SHTN1: variants seen among roughly 807,000 people sequenced by gnomAD.
SHTN1 encodes the protein shootin-1.
Under a neutral mutation model 83.1 loss-of-function variants are expected in SHTN1, and 42 were observed. That is an observed-to-expected ratio of 0.51 (90% CI 0.39 to 0.65). SHTN1 has a LOEUF of 0.65. Among genes scored for constraint, SHTN1 ranks in the 30% least tolerant of loss-of-function variants. SHTN1 has a pLI of 0.00. For synonymous variants in SHTN1, 224 were observed against 247.7 expected (o/e 0.90, Z 0.90); for missense variants, 622 against 737.8 (o/e 0.84, Z 1.82).
rs548572137 is a variant in SHTN1 at position 117,090,883 on chromosome 10, T to C, written c.-189+35424A>G. Reference sequence around the variant, plus strand: ...AGAGGATAGAGAAGGGGAAGAAGAATAAGAAAAAGGATCTGACTGTTGGGG... The same window carrying C: ...AGAGGATAGAGAAGGGGAAGAAGAACAAGAAAAAGGATCTGACTGTTGGGG... On this transcript the variant is annotated intron_variant, in intron 1 of 17. Coordinates refer to the SHTN1 transcript ENST00000392901. 4.6e-5 allele frequency among the ~76,000 whole-genome samples: 7 copies of C among 152,010 alleles called. No individual in the cohort carries two copies. The South Asian group carries it at 1.2e-3, about 27-fold the overall frequency.
intron 14 of SHTN1, 24 bp from the exon 15 acceptor site, chr10:116,906,771 C>G: frequency 6.3e-7 from 1 of 1,587,844 alleles, no homozygotes; most frequent in Non-Finnish European, 8.6e-7. Context: ...AAAACAAAAA[C>G]AAAAAGGTTA....
At chr10:117,122,323 G>A (rs1195525897) in intron 1 of SHTN1, among the ~76,000 whole-genome samples, 1 of 152,070 alleles carries the variant, frequency 6.6e-6, no homozygotes, top group Non-Finnish European at 1.5e-5. Context: ...GGAACCACGG[G>A]CACATGCCAC....
chr10:116,902,268 T>C (rs1048956992), intron 15 of SHTN1, among the ~76,000 whole-genome samples: 3 of 152,114 alleles, frequency 2.0e-5, no homozygotes, highest in Non-Finnish European at 4.4e-5. Flanking sequence ...TTTCCTCTCA[T>C]AGAGTATGGC....
intron 2 of SHTN1, among the ~76,000 whole-genome samples, chr10:117,013,213 G>A (rs1852134368): frequency 6.6e-6 from 1 of 152,014 alleles, no homozygotes. Context: ...CTTGCTCTGT[G>A]TCCCAGGCTG....
At chr10:116,955,960 G>A (rs1257714689) in intron 4 of SHTN1, among the ~76,000 whole-genome samples, 2 of 152,162 alleles carry the variant, frequency 1.3e-5, no homozygotes, top group Non-Finnish European at 2.9e-5. Context: ...GATAAAAACT[G>A]TTGTGGGTTC....
intron 1 of SHTN1, among the ~76,000 whole-genome samples, chr10:116,982,140 G>A (rs1016665455): frequency 6.6e-6 from 1 of 152,094 alleles, no homozygotes; most frequent in Non-Finnish European, 1.5e-5. Flanking sequence ...ATCAGATAAT[G>A]GTTTTGAAGT....
In SHTN1 at chr10:116,960,116, T is replaced by G; in HGVS notation, c.267+20A>C. The G allele has an allele frequency of 6.9e-7, 1 of 1,457,762 alleles. No homozygotes were observed. Among genetic ancestry groups the G allele is most frequent in the Non-Finnish European group, 9.6e-7 (1 of 1,040,436 alleles). The allele number at this position is 1,457,762 out of a possible 1,614,324, so 90.3% of individuals were successfully genotyped here. On this transcript the variant is annotated intron_variant, in intron 4 of 16. Coordinates refer to ENST00000355371, the MANE Select transcript of SHTN1 (RefSeq NM_001127211.3). ...TGAAATTTAAAAGCTCAGGTAAAAT[T>G]CCTTCATTTGAAGTCTCACCTTTGT...
chr10:116,936,278 T>C (rs1268127746), intron 9 of SHTN1, among the ~76,000 whole-genome samples: 1 of 152,208 alleles, frequency 6.6e-6, no homozygotes, highest in African/African-American at 2.4e-5. Flanking sequence ...CGATTTTAGA[T>C]CTTTCCTGCT....
chr10:117,017,998 C>T (rs1186112402), intron 2 of SHTN1, among the ~76,000 whole-genome samples: 1 of 152,152 alleles, frequency 6.6e-6, no homozygotes, highest in African/African-American at 2.4e-5. Context: ...ATCTTCGAAA[C>T]TGCTAAGACC....
In SHTN1 at chr10:116,883,844, T is replaced by C. The variant is rs1276116179; in HGVS notation, c.*2500A>G. 5.6e-6 allele frequency: 1 copy of C among 179,646 alleles called. No homozygotes were observed. Among genetic ancestry groups the C allele is most frequent in the Non-Finnish European group, 1.2e-5 (1 of 83,802 alleles). 11.1% of individuals were successfully genotyped at this position (179,646 alleles called of 1,614,324 possible). ...GACTGTTCAGCTGCTGAAACTGCTG[T>C]GGGTGAGGACTTTGTTTGAGACCAG... On this transcript the variant is annotated 3_prime_UTR_variant, in exon 17 of 17. Transcript: ENST00000355371.
In SHTN1 at chr10:116,882,275, A is replaced by T. The variant is rs1589769120; in HGVS notation, c.*4069T>A. On this transcript the variant is annotated 3_prime_UTR_variant, in exon 17 of 17. Coordinates refer to ENST00000355371, the MANE Select transcript of SHTN1 (RefSeq NM_001127211.3). ...TTTTTATCTTTGCGAGTCTTCTTAGATCCTTTTTGGAGTAAGAATGAGTAT... is the reference window on the plus strand; with the variant it reads ...TTTTTATCTTTGCGAGTCTTCTTAGTTCCTTTTTGGAGTAAGAATGAGTAT... The T allele has an allele frequency of 1.3e-5, 2 of 152,026 alleles. No individual in the cohort carries two copies. Among genetic ancestry groups the T allele is most frequent in the East Asian group, 1.9e-4 (1 of 5,160 alleles). The allele number at this position is 152,026 out of a possible 1,614,324, so 9.4% of individuals were successfully genotyped here. A position where few individuals can be genotyped will look rare whatever the true frequency, so the allele number is the denominator to read the frequency against.
At chr10:117,019,271 C>A (rs1051426824) in intron 2 of SHTN1, among the ~76,000 whole-genome samples, 1 of 151,868 alleles carries the variant, frequency 6.6e-6, no homozygotes, top group Admixed American at 6.6e-5. Flanking sequence ...GCAGCCTCAA[C>A]CTCCTGGGCT....
upstream of SHTN1, among the ~76,000 whole-genome samples, chr10:117,006,697 T>C (rs1207812502): frequency 1.3e-5 from 2 of 152,136 alleles, no homozygotes; most frequent in East Asian, 1.9e-4. Flanking sequence ...ATTAGACTTA[T>C]TGCACAGCTT....
At chr10:116,887,802 G>C (rs1000287185) in intron 16 of SHTN1, among the ~76,000 whole-genome samples, 1 of 152,166 alleles carries the variant, frequency 6.6e-6, no homozygotes. Context: ...AAACGAATGG[G>C]CAAATACTAA....
chr10:116,997,684 A>T (rs1851672218), intron 1 of SHTN1, among the ~76,000 whole-genome samples: 1 of 152,168 alleles, frequency 6.6e-6, no homozygotes, highest in Non-Finnish European at 1.5e-5. Context: ...GTTGGCCTTG[A>T]TCATCTAGCT....
intron 3 of SHTN1, among the ~76,000 whole-genome samples, chr10:116,962,273 TCATCAATATAATTGC>T (rs1269871418): frequency 6.6e-6 from 1 of 152,134 alleles, no homozygotes; most frequent in Non-Finnish European, 1.5e-5. Context: ...ATGTAGCTCT[TCATCAATATAATTGC>T]CTTTTATATT....
At chr10:116,900,045 C>A (rs985768135) in intron 16 of SHTN1, among the ~76,000 whole-genome samples, 1 of 152,172 alleles carries the variant, frequency 6.6e-6, no homozygotes, top group Non-Finnish European at 1.5e-5. Context: ...ATTACCTATA[C>A]ATACACAGAA....
chr10:116,945,438 T>G lies in SHTN1; in HGVS notation c.617-420A>C, dbSNP rs1849541338. On this transcript the variant is annotated intron_variant, in intron 7 of 16. Coordinates refer to ENST00000355371, the MANE Select transcript of SHTN1 (RefSeq NM_001127211.3). ...CATACTTAGTAAATGGAAAGACATC[T>G]GTGATGTATTTTTAAAAATAGATTG... 2.6e-5 allele frequency among the ~76,000 whole-genome samples: 4 copies of G among 152,358 alleles called. No individual in the cohort carries two copies. In the South Asian group the frequency reaches 8.3e-4, roughly 32 times the overall value.
intron 1 of SHTN1, among the ~76,000 whole-genome samples, chr10:116,987,775 A>C (rs532343049): frequency 1.3e-5 from 2 of 152,060 alleles, no homozygotes; most frequent in African/African-American, 4.8e-5. Context: ...ATTAGCCAGG[A>C]GTGGGGGCAT....
Sources: allele counts gnomAD v4.1 joint callset (sites outside exome capture counted in the v4.1 genomes callset), GRCh38; gene constraint gnomAD v4.1.1; transcripts MANE v1.5; gene names NCBI Gene and HGNC (gene_info 2026-07-23, HGNC 2026-07-21).